Variants in FARSB observed in about 807,000 individuals in gnomAD.
The protein encoded by FARSB is phenylalanine--tRNA ligase beta subunit.
Under a neutral mutation model 69.6 loss-of-function variants are expected in FARSB, and 40 were observed. The ratio of observed to expected loss-of-function variants is 0.57; its 90% CI spans 0.45 to 0.75. The LOEUF is 0.75. Ranked by LOEUF, FARSB falls within the 30% of genes least tolerant of loss-of-function variation. The pLI is 0.00. For missense variants in FARSB, 632 were observed against 722.9 expected (o/e 0.87, Z 1.44); for synonymous variants, 235 against 247.2 (o/e 0.95, Z 0.46).
intron 16 of FARSB, among the ~76,000 whole-genome samples, chr2:222,598,979 A>G (rs1690494527): frequency 6.6e-6 from 1 of 152,062 alleles, no homozygotes; most frequent in Non-Finnish European, 1.5e-5. Context: ...TTCAATCTAA[A>G]AAAACCCATA....
Position 222,570,679 on chromosome 2 carries a change from T to G in FARSB, c.*1192A>C, listed in dbSNP as rs1465423605. On this transcript the variant is annotated 3_prime_UTR_variant, in exon 17 of 17. Coordinates refer to ENST00000281828, the MANE Select transcript of FARSB (RefSeq NM_005687.5). ...CTGGGACTGCAGGCCCACACCACCA[T>G]GCCTGGCTAATTTTTATATTTTTAG... 1.3e-5 allele frequency: 2 copies of G among 151,960 alleles called. No homozygotes were observed. Among genetic ancestry groups the G allele is most frequent in the African/African-American group, 4.8e-5 (2 of 41,344 alleles). 9.4% of individuals were successfully genotyped at this position (151,960 alleles called of 1,614,324 possible).
chr2:222,613,390 CA>C (rs1690907551), intron 15 of FARSB, among the ~76,000 whole-genome samples: 1 of 152,092 alleles, frequency 6.6e-6, no homozygotes, highest in African/African-American at 2.4e-5. Flanking sequence ...ACTAAAAACA[CA>C]AAAATTAGCC....
chr2:222,654,450 T>A lies in FARSB; in HGVS notation c.58+1566A>T, dbSNP rs573904191. On this transcript the variant is annotated intron_variant, in intron 1 of 16. Coordinates refer to ENST00000281828, the MANE Select transcript of FARSB (RefSeq NM_005687.5). ...CACCCCCAAAATATCTCATTATGTA[T>A]ATGCAAATATCCCAAAATCCAAAAT... Among the ~76,000 whole-genome samples the A allele has an allele frequency of 3.9e-5, 6 of 152,344 alleles. No individual in the cohort carries two copies. The East Asian group carries it at 1.2e-3, about 29-fold the overall frequency.
In FARSB at chr2:222,610,737, C is replaced by A. The variant is rs115100395; in HGVS notation, c.1462+3074G>T. ...GACCAAACACCAACAGTTCTTATTA[C>A]GTGGCTAGAACTTTTCAAACTGCAA... On this transcript the variant is annotated intron_variant, in intron 15 of 16. Transcript: ENST00000281828. Among the ~76,000 whole-genome samples, 3 of 152,202 alleles carry A rather than the reference C, an allele frequency of 2.0e-5. No homozygotes were observed. The East Asian group carries it at 5.8e-4, about 29-fold the overall frequency.
chr2:222,644,896 CCA>C (rs1691809189), intron 2 of FARSB, among the ~76,000 whole-genome samples: 1 of 151,820 alleles, frequency 6.6e-6, no homozygotes, highest in Admixed American at 6.6e-5. Flanking sequence ...TATTTTCAAA[CCA>C]CAGTTTGCTG....
intron 15 of FARSB, among the ~76,000 whole-genome samples, chr2:222,610,646 A>T: frequency 6.6e-6 from 1 of 152,220 alleles, no homozygotes; most frequent in East Asian, 1.9e-4. Flanking sequence ...CATTCTAGTA[A>T]AAAATTCCCA....
intron 16 of FARSB, among the ~76,000 whole-genome samples, chr2:222,594,295 T>C (rs987794603): frequency 6.6e-6 from 1 of 152,072 alleles, no homozygotes; most frequent in Non-Finnish European, 1.5e-5. Context: ...ATGATTTTTA[T>C]AATTTTTTAT....
At position 222,653,783 on chromosome 2, in the gene FARSB, A is replaced by G. The variant is rs565572869; in HGVS notation, c.58+2233T>C. Among the ~76,000 whole-genome samples, 6 of 152,158 alleles carry G rather than the reference A, an allele frequency of 3.9e-5. No individual in the cohort carries two copies. In the East Asian group the frequency reaches 1.2e-3, roughly 29 times the overall value. On this transcript the variant is annotated intron_variant, in intron 1 of 16. Coordinates refer to ENST00000281828, the MANE Select transcript of FARSB (RefSeq NM_005687.5). ...GTAGCTGGGACTACACGTATACACC[A>G]CCACACCCAGCTACTTTTTGTAGAG...
At chr2:222,590,528 G>A (rs1027116166) in intron 16 of FARSB, among the ~76,000 whole-genome samples, 10 of 112,698 alleles carry the variant, frequency 8.9e-5, no homozygotes, top group Non-Finnish European at 1.1e-4. Flanking sequence ...AAAAAAAAAA[G>A]ATATCCTACC....
intron 1 of FARSB, 82 bp from the exon 2 acceptor site, chr2:222,648,877 A>C (rs1691947680): frequency 1.1e-6 from 1 of 897,656 alleles, no homozygotes; most frequent in African/African-American, 1.6e-5. Flanking sequence ...TTTTCTTATT[A>C]CTAATTGCCT....
chr2:222,641,191 C>G (rs1424970429), intron 3 of FARSB, among the ~76,000 whole-genome samples: 1 of 152,116 alleles, frequency 6.6e-6, no homozygotes, highest in Non-Finnish European at 1.5e-5. Flanking sequence ...CCAGCAGAGG[C>G]TACAAACCAT....
chr2:222,639,320 T>C (rs140818409), intron 5 of FARSB, among the ~76,000 whole-genome samples: 204 of 152,318 alleles, frequency 1.3e-3, no homozygotes, highest in African/African-American at 4.3e-3. Flanking sequence ...ATTCAAAATA[T>C]ACCTCCTGTT....
At chr2:222,631,495 T>C in intron 8 of FARSB, 109 bp downstream of exon 8, 1 of 716,640 alleles carries the variant, frequency 1.4e-6, no homozygotes, top group Non-Finnish European at 2.5e-6. Flanking sequence ...CTAAAATATG[T>C]TCCCACCTAC....
intron 16 of FARSB, among the ~76,000 whole-genome samples, chr2:222,584,178 G>T (rs1404318446): frequency 6.6e-6 from 1 of 151,942 alleles, no homozygotes; most frequent in East Asian, 1.9e-4. Flanking sequence ...GTATTCAGGG[G>T]TAACACGATA....
intron 15 of FARSB, among the ~76,000 whole-genome samples, chr2:222,606,254 G>C (rs1559199882): frequency 6.6e-6 from 1 of 152,008 alleles, no homozygotes; most frequent in African/African-American, 2.4e-5. Context: ...TGAATCAAAG[G>C]AGAAAATAAC....
chr2:222,645,248 T>C (rs534493635), intron 2 of FARSB, among the ~76,000 whole-genome samples: 1 of 152,206 alleles, frequency 6.6e-6, no homozygotes, highest in Non-Finnish European at 1.5e-5. Context: ...TGTCCATAGT[T>C]ACACAGCTAG....
In FARSB at chr2:222,656,049, C is replaced by A. The variant is rs770849989; in HGVS notation, c.25G>T (p.Asp9Tyr). 3 of 1,596,284 alleles carry A rather than the reference C, an allele frequency of 1.9e-6. No individual in the cohort carries two copies. The highest frequency in any genetic ancestry group is 2.6e-6 in the Non-Finnish European group (3 of 1,172,808). MPTVSVKR[D>Y]LLFQALGRTY... is the part of the protein sequence containing the mutation. ...CGGCCCAGGGCTTGGAAGAGCAGAT[C>A]ACGCTTCACGCTGACAGTCGGCATG... The change falls in exon 1 of 17, where the codon GAT becomes TAT. Residue 9 changes from aspartate (D) to tyrosine (Y), a missense_variant. Physicochemically the swap from Asp to Tyr is radical, Grantham distance 160 (BLOSUM62 -3). Coordinates refer to ENST00000281828, the MANE Select transcript of FARSB (RefSeq NM_005687.5).
At chr2:222,633,052 A>G (rs1461306583) in intron 7 of FARSB, 147 bp downstream of exon 7, 7 of 594,440 alleles carry the variant, frequency 1.2e-5, no homozygotes, top group Middle Eastern at 4.4e-4. Flanking sequence ...ATGAATGAAA[A>G]GAATGATTAG....
intron 5 of FARSB, among the ~76,000 whole-genome samples, chr2:222,635,875 T>C (rs1316960262): frequency 6.7e-6 from 1 of 150,176 alleles, no homozygotes; most frequent in Non-Finnish European, 1.5e-5. Flanking sequence ...AGCCCAAGAG[T>C]TCAAGACCAG....
Sources: gnomAD v4.1 joint callset for allele counts (sites outside exome capture counted in the v4.1 genomes callset) on GRCh38, gnomAD v4.1.1 for gene constraint, MANE v1.5 for transcripts, NCBI Gene and HGNC (gene_info 2026-07-23, HGNC 2026-07-21) for gene names.